Variants in BAALC observed in about 807,000 individuals in gnomAD.
The protein encoded by BAALC is brain and acute leukemia cytoplasmic protein.
A neutral mutation model predicts 15.5 loss-of-function variants in BAALC; 9 were observed. The observed-to-expected ratio is 0.58, with a 90% CI of 0.35 to 1.02. BAALC has a LOEUF of 1.02. Among genes scored for constraint, BAALC ranks in the 50% least tolerant of loss-of-function variants. The pLI, the probability that BAALC is intolerant of heterozygous loss-of-function variation, is 0.02. For synonymous variants in BAALC, 80 were observed against 74.6 expected, an observed-to-expected ratio of 1.07 and a Z score of -0.37; for missense variants, 201 against 192.4, an observed-to-expected ratio of 1.04 and a Z score of -0.27.
intron 1 of BAALC, among the ~76,000 whole-genome samples, chr8:103,159,556 G>A (rs1811175954): frequency 6.6e-6 from 1 of 152,068 alleles, no homozygotes; most frequent in Non-Finnish European, 1.5e-5. Context: ...CGTCATGATG[G>A]ATTCATGGCT....
chr8:103,220,495 AG>A (rs1812653515), intron 2 of BAALC, among the ~76,000 whole-genome samples: 1 of 152,164 alleles, frequency 6.6e-6, no homozygotes, highest in Non-Finnish European at 1.5e-5. Context: ...TTATTTACTG[AG>A]TGTCTATTAT....
At chr8:103,141,245 G>A (rs1810768777) in intron 1 of BAALC, 188 bp downstream of exon 1, 3 of 612,236 alleles carry the variant, frequency 4.9e-6, no homozygotes, top group Non-Finnish European at 7.5e-6. Context: ...GTCGACCAGA[G>A]CCCCTTACCG....
chr8:103,175,824 A>G (rs995415019), intron 1 of BAALC, among the ~76,000 whole-genome samples: 1 of 152,214 alleles, frequency 6.6e-6, no homozygotes, highest in African/African-American at 2.4e-5. Flanking sequence ...GGTATCGTCT[A>G]TTTATACCAC....
chr8:103,223,631 TTATATA>T (rs35398385), intron 2 of BAALC, among the ~76,000 whole-genome samples: 1 of 151,578 alleles, frequency 6.6e-6, no homozygotes, highest in Non-Finnish European at 1.5e-5. Flanking sequence ...GGGATTACAA[TTATATA>T]TATATATCTG....
At chr8:103,143,406 G>C (rs1450926112) in intron 1 of BAALC, among the ~76,000 whole-genome samples, 1 of 152,132 alleles carries the variant, frequency 6.6e-6, no homozygotes, top group Non-Finnish European at 1.5e-5. Context: ...ACTTTTTCCT[G>C]TTTACAGAAG....
chr8:103,178,119 C>A (rs1811645252), intron 1 of BAALC, among the ~76,000 whole-genome samples: 2 of 152,146 alleles, frequency 1.3e-5, no homozygotes, highest in African/African-American at 4.8e-5. Flanking sequence ...AGGACTATAT[C>A]AAAGTATATT....
At chr8:103,205,562 A>G (rs1812309640) in intron 1 of BAALC, among the ~76,000 whole-genome samples, 1 of 151,952 alleles carries the variant, frequency 6.6e-6, no homozygotes, top group Admixed American at 6.6e-5. Context: ...ATAGATCTAT[A>G]TATATCTATA....
chr8:103,207,356 G>A (rs1027784984), intron 1 of BAALC, among the ~76,000 whole-genome samples: 4 of 152,302 alleles, frequency 2.6e-5, no homozygotes, highest in East Asian at 1.9e-4. Context: ...GAATTCCAGC[G>A]TATGTAGCAT....
intron 1 of BAALC, among the ~76,000 whole-genome samples, chr8:103,142,610 AAAT>A (rs1002056169): frequency 9.9e-5 from 15 of 152,224 alleles, no homozygotes; most frequent in East Asian, 9.6e-4. Context: ...AGCATGAAAA[AAAT>A]AATAATAAAA....
chr8:103,208,585 C>A (rs970223858), intron 1 of BAALC: 1 of 152,176 alleles, frequency 6.6e-6, no homozygotes, highest in South Asian at 2.1e-4. Flanking sequence ...AGGGGCCCTG[C>A]GCTTAGGACC....
intron 1 of BAALC, among the ~76,000 whole-genome samples, chr8:103,201,661 T>C (rs7017690): frequency 0.073 from 11,080 of 152,166 alleles, 466 homozygotes; most frequent in Middle Eastern, 0.2. Flanking sequence ...TGGTGTAGAA[T>C]TGAGGAACTA....
At chr8:103,181,426 C>A (rs1485766701) in intron 1 of BAALC, among the ~76,000 whole-genome samples, 2 of 152,058 alleles carry the variant, frequency 1.3e-5, no homozygotes, top group Non-Finnish European at 2.9e-5. Context: ...CTCCCACCAC[C>A]ACGCCTGGCT....
At position 103,167,048 on chromosome 8, in the gene BAALC, T is replaced by G. The variant is rs1811365618; in HGVS notation, c.160+25991T>G. 2.0e-5 allele frequency among the ~76,000 whole-genome samples: 3 copies of G among 152,224 alleles called. No individual in the cohort carries two copies. The South Asian group carries it at 6.2e-4, about 31-fold the overall frequency. ...CATGAGTCTCTTAAGTCCACTATTATGACCTAAATGGTCCCATGAGTATTT... is the reference window on the plus strand; with the variant it reads ...CATGAGTCTCTTAAGTCCACTATTAGGACCTAAATGGTCCCATGAGTATTT... On this transcript the variant is annotated intron_variant, in intron 1 of 2. Coordinates refer to ENST00000309982, the MANE Select transcript of BAALC (RefSeq NM_024812.3).
intron 1 of BAALC, chr8:103,198,031 G>T: frequency 1.5e-6 from 1 of 668,766 alleles, no homozygotes; most frequent in South Asian, 1.6e-5. Flanking sequence ...TGCCTGATTT[G>T]AGCCATTAAA....
At chr8:103,224,352 G>A (rs1227947234) in intron 2 of BAALC, among the ~76,000 whole-genome samples, 2 of 122,822 alleles carry the variant, frequency 1.6e-5, no homozygotes, top group Non-Finnish European at 3.2e-5. Flanking sequence ...GGAGGCATGA[G>A]ACATCAATCA....
At chr8:103,220,637 C>T (rs536389827) in intron 2 of BAALC, among the ~76,000 whole-genome samples, 1 of 152,256 alleles carries the variant, frequency 6.6e-6, no homozygotes, top group East Asian at 1.9e-4. Context: ...ATAATTTAAA[C>T]TGTGGTTAAA....
At chr8:103,166,910 A>G (rs1425679136) in intron 1 of BAALC, among the ~76,000 whole-genome samples, 1 of 152,218 alleles carries the variant, frequency 6.6e-6, no homozygotes, top group Non-Finnish European at 1.5e-5. Context: ...TTAAATCTAA[A>G]TGGACTCTGA....
intron 1 of BAALC, among the ~76,000 whole-genome samples, chr8:103,149,862 T>C (rs1485918072): frequency 6.6e-6 from 1 of 152,210 alleles, no homozygotes; most frequent in Non-Finnish European, 1.5e-5. Context: ...GTTTCCCTCT[T>C]ACCTCCCCCT....
chr8:103,196,047 G>T (rs2130016759), intron 1 of BAALC, among the ~76,000 whole-genome samples: 1 of 152,250 alleles, frequency 6.6e-6, no homozygotes, highest in East Asian at 1.9e-4. Context: ...AATTGGGAGA[G>T]CCTTCAGAGT....
Sources: gnomAD v4.1 joint callset for allele counts (sites outside exome capture counted in the v4.1 genomes callset) on GRCh38, gnomAD v4.1.1 for gene constraint, MANE v1.5 for transcripts, NCBI Gene and HGNC (gene_info 2026-07-23, HGNC 2026-07-21) for gene names.